REPS2: variants seen among roughly 807,000 people sequenced by gnomAD.
REPS2 encodes the protein ralBP1-associated Eps domain-containing protein 2.
In REPS2, 23 loss-of-function variants were observed where a neutral mutation model predicts 53.6. The observed-to-expected ratio is 0.43, with a 90% CI of 0.31 to 0.61. REPS2 has a LOEUF of 0.61. Among genes scored for constraint, REPS2 ranks in the 20% least tolerant of loss-of-function variants. The probability of loss-of-function intolerance (pLI) is 0.11; values close to 1 mark genes in which losing one functional copy is unlikely to be tolerated. For missense variants in REPS2, 446 were observed against 534.9 expected (o/e 0.83, Z 1.64); for synonymous variants, 238 against 218.6 (o/e 1.09, Z -0.78).
chrX:17,088,646 T>C (rs1274272136), intron 13 of REPS2, among the ~76,000 whole-genome samples: 1 of 105,219 alleles, frequency 9.5e-6, no homozygotes, highest in Non-Finnish European at 1.9e-5. Context: ...TGGAGTGCAG[T>C]GGCGTGGTCT....
chrX:17,011,123 C>T (rs2061425166), intron 2 of REPS2, among the ~76,000 whole-genome samples: 1 of 107,938 alleles, frequency 9.3e-6, no homozygotes, highest in Admixed American at 9.9e-5. Context: ...TGCATCTGAA[C>T]TAGGGTGCTG....
At chrX:17,130,449 C>G (rs1480880081) in intron 14 of REPS2, among the ~76,000 whole-genome samples, 1 of 111,662 alleles carries the variant, frequency 9.0e-6, no homozygotes, top group Non-Finnish European at 1.9e-5. Flanking sequence ...CTCACCATTC[C>G]CACACATTGC....
chrX:17,155,176 C>T (rs1439194449), downstream of REPS2, among the ~76,000 whole-genome samples: 1 of 111,305 alleles, frequency 9.0e-6, no homozygotes, highest in Non-Finnish European at 1.9e-5. Flanking sequence ...AGTCCAAGGT[C>T]GAGGGGCCAC....
intron 1 of REPS2, among the ~76,000 whole-genome samples, chrX:17,000,046 C>CA (rs61082179): frequency 0.13 from 3,363 of 26,340 alleles, 456 homozygotes; most frequent in African/African-American, 0.34. Flanking sequence ...GACTCCGTCT[C>CA]AAAAAAAAAA....
chrX:17,182,736 T>C, the REPS2 span, among the ~76,000 whole-genome samples: 20 of 112,693 alleles, frequency 1.8e-4, no homozygotes, highest in African/African-American at 6.1e-4. Context: ...GCCCAGTGAC[T>C]GGCATTGCAA....
chrX:16,946,750 T>TGGTGGCGGC lies in REPS2; in HGVS notation c.-109_-101dup, dbSNP rs2060432451. 1.4e-6 allele frequency: 1 copy of TGGTGGCGGC among 698,163 alleles called. No individual in the cohort carries two copies. The highest frequency in any genetic ancestry group is 9.8e-5 in the Admixed American group (1 of 10,192). The allele number at this position is 698,163 out of a possible 1,213,427, so 57.5% of individuals were successfully genotyped here. ...GTGGGGGTGGTGGTGGCGGCGGCGG[T>TGGTGGCGGC]GGTGGCGGCGGCGGCGGCGGCGGCA... On this transcript the variant is annotated 5_prime_UTR_variant, in exon 1 of 18. Transcript: ENST00000357277.
chrX:17,089,440 A>G (rs1419993230), intron 13 of REPS2, among the ~76,000 whole-genome samples: 1 of 111,628 alleles, frequency 9.0e-6, no homozygotes, highest in African/African-American at 3.3e-5. Context: ...AAATTTAATG[A>G]TTTCTAGTAA....
At position 17,140,735 on chromosome X, in the gene REPS2, ATATTATTATTATTATTATTAT is replaced by A. The variant is rs199967140; in HGVS notation, c.1914+1806_1914+1826del. ...ATGTTTATACAAAATGCATGCACAA[ATATTATTATTATTATTATTAT>A]TATTATTATTATTATTATTATTATT... On this transcript the variant is annotated intron_variant, in intron 17 of 17. Transcript: ENST00000357277. Among the ~76,000 whole-genome samples the A allele has an allele frequency of 4.7e-3, 419 of 89,628 alleles. 1 individual carries two copies. The highest frequency in any genetic ancestry group is 0.016 in the African/African-American group (385 of 24,379). The allele number at this position is 89,628 out of a possible 115,157, so 77.8% of individuals were successfully genotyped here. A position where few individuals can be genotyped will look rare whatever the true frequency, so the allele number is the denominator to read the frequency against.
chrX:17,007,851 T>C (rs927152323), intron 2 of REPS2, among the ~76,000 whole-genome samples: 6 of 112,191 alleles, frequency 5.3e-5, no homozygotes, highest in African/African-American at 1.9e-4. Flanking sequence ...GTTCGTATCT[T>C]ACAAGTATGG....
the REPS2 span, among the ~76,000 whole-genome samples, chrX:17,165,177 C>T: frequency 1.8e-5 from 2 of 112,154 alleles, no homozygotes; most frequent in Non-Finnish European, 3.8e-5. Flanking sequence ...ACCAAACTTA[C>T]TAAGCAGCCC....
Position 16,960,495 on chromosome X carries a change from A to C in REPS2, c.273+13361A>C, listed in dbSNP as rs1156831410. ...AAGTTTAAAAGGGAATTTCCTCAAC[A>C]CATTAAAGACCATTTATGTAGAGTC... On this transcript the variant is annotated intron_variant, in intron 1 of 17. Transcript: ENST00000357277. 4.4e-5 allele frequency among the ~76,000 whole-genome samples: 5 copies of C among 112,746 alleles called. No homozygotes were observed. In the East Asian group the frequency reaches 1.4e-3, roughly 31 times the overall value.
At position 16,990,570 on chromosome X, in the gene REPS2, A is replaced by T. The variant is rs2061150502; in HGVS notation, c.274-15651A>T. On this transcript the variant is annotated intron_variant, in intron 1 of 17. Coordinates refer to ENST00000357277, the MANE Select transcript of REPS2 (RefSeq NM_004726.3). ...GGTTGTAGTGAGCTGAGATTGTGCC[A>T]CTGAACTCCAGCCTGGGCAACAGAG... Among the ~76,000 whole-genome samples the T allele has an allele frequency of 3.7e-5, 4 of 107,486 alleles. No homozygotes were observed. The South Asian group carries it at 1.7e-3, about 46-fold the overall frequency. The allele number at this position is 107,486 out of a possible 115,157, so 93.3% of individuals were successfully genotyped here. A position where few individuals can be genotyped will look rare whatever the true frequency, so the allele number is the denominator to read the frequency against.
chrX:17,020,339 G>A (rs2061556161), intron 2 of REPS2, among the ~76,000 whole-genome samples: 1 of 111,863 alleles, frequency 8.9e-6, no homozygotes, highest in Non-Finnish European at 1.9e-5. Flanking sequence ...ATCCTCTTAT[G>A]GGTAGATCAG....
At chrX:16,954,184 C>A (rs7055516) in intron 1 of REPS2, among the ~76,000 whole-genome samples, 219 of 111,429 alleles carry the variant, frequency 2.0e-3, no homozygotes, top group African/African-American at 5.9e-3. Flanking sequence ...TGGTCTCAAA[C>A]TCTTGGGCTC....
chrX:17,182,118 T>C, the REPS2 span, among the ~76,000 whole-genome samples: 1 of 108,610 alleles, frequency 9.2e-6, no homozygotes, highest in African/African-American at 3.4e-5. Flanking sequence ...GCAATACATC[T>C]TCTACCTAGT....
At chrX:17,158,798 A>T in the REPS2 span, among the ~76,000 whole-genome samples, 2 of 112,031 alleles carry the variant, frequency 1.8e-5, no homozygotes, top group Non-Finnish European at 3.8e-5. Flanking sequence ...GCCAAACAAA[A>T]CAGGTCTGCA....
chrX:17,020,970 TA>T (rs1327608833), intron 2 of REPS2, among the ~76,000 whole-genome samples: 1 of 111,926 alleles, frequency 8.9e-6, no homozygotes, highest in Non-Finnish European at 1.9e-5. Context: ...ACATAGCAAC[TA>T]AAAGTAAACA....
intron 13 of REPS2, among the ~76,000 whole-genome samples, chrX:17,078,629 A>G (rs1265231928): frequency 8.9e-6 from 1 of 111,910 alleles, no homozygotes; most frequent in Non-Finnish European, 1.9e-5. Context: ...GACCTGGAAG[A>G]TTTTCCTATG....
chrX:17,015,407 A>C (rs1429553971), intron 2 of REPS2, among the ~76,000 whole-genome samples: 1 of 110,622 alleles, frequency 9.0e-6, no homozygotes, highest in East Asian at 2.8e-4. Context: ...TTCTTTTTTA[A>C]ATTTTATTTT....
Sources: allele counts gnomAD v4.1 joint callset (sites outside exome capture counted in the v4.1 genomes callset), GRCh38; gene constraint gnomAD v4.1.1; transcripts MANE v1.5; gene names NCBI Gene and HGNC (gene_info 2026-07-23, HGNC 2026-07-21).